FBXW7: variants seen among roughly 807,000 people sequenced by gnomAD.
FBXW7 encodes the protein F-box/WD repeat-containing protein 7.
Under a neutral mutation model 86.3 loss-of-function variants are expected in FBXW7, and 11 were observed. That is an observed-to-expected ratio of 0.13 (90% CI 0.08 to 0.21). FBXW7 has a LOEUF of 0.21. Among genes scored for constraint, FBXW7 ranks in the 10% least tolerant of loss-of-function variants. The pLI, the probability that FBXW7 is intolerant of heterozygous loss-of-function variation, is 1.00. For missense variants in FBXW7, 488 were observed against 847.4 expected, an observed-to-expected ratio of 0.58 and a Z score of 5.27; for synonymous variants, 313 against 297.9, an observed-to-expected ratio of 1.05 and a Z score of -0.52.
At chr4:152,352,851 G>A (rs1168554373) in intron 4 of FBXW7, 5 of 1,499,022 alleles carry the variant, frequency 3.3e-6, no homozygotes, top group East Asian at 2.3e-5. Context: ...CTCAGCAGCA[G>A]AGGGATCAGA....
At chr4:152,503,251 T>C (rs971307419) in intron 2 of FBXW7, among the ~76,000 whole-genome samples, 8 of 152,124 alleles carry the variant, frequency 5.3e-5, no homozygotes, top group African/African-American at 1.7e-4. Flanking sequence ...AGATGAGCCA[T>C]GTGATATAAG....
intron 7 of FBXW7, 80 bp downstream of exon 7, chr4:152,337,722 A>G: frequency 1.4e-6 from 2 of 1,403,154 alleles, no homozygotes; most frequent in South Asian, 1.4e-5. Flanking sequence ...CATAATTAGC[A>G]TGACAATGTT....
intron 2 of FBXW7, among the ~76,000 whole-genome samples, chr4:152,426,849 C>A (rs901424796): frequency 7.9e-5 from 12 of 152,188 alleles, no homozygotes; most frequent in African/African-American, 2.9e-4. Context: ...AAAAACCGCA[C>A]AGAATAGAGA....
At chr4:152,465,754 G>C (rs2149640460) in intron 2 of FBXW7, among the ~76,000 whole-genome samples, 1 of 150,324 alleles carries the variant, frequency 6.7e-6, no homozygotes, top group Non-Finnish European at 1.5e-5. Context: ...TGACACAGGA[G>C]AATCGCTTGA....
Position 152,458,977 on chromosome 4 carries a change from T to C in FBXW7, c.-119-46448A>G, listed in dbSNP as rs568283902. Among the ~76,000 whole-genome samples, 49 of 152,288 alleles carry C rather than the reference T, an allele frequency of 3.2e-4. No homozygotes were observed. The South Asian group carries it at 9.3e-3, about 29-fold the overall frequency. On this transcript the variant is annotated intron_variant, in intron 2 of 13. Coordinates refer to ENST00000281708, the MANE Select transcript of FBXW7 (RefSeq NM_001349798.2). ...AAAACCAATACAGCCCTAACACAGG[T>C]TGACAACCACAACTGTTCCCCAACT...
At chr4:152,341,162 C>A (rs1370126853) in intron 6 of FBXW7, among the ~76,000 whole-genome samples, 2 of 152,208 alleles carry the variant, frequency 1.3e-5, no homozygotes, top group African/African-American at 4.8e-5. Flanking sequence ...GTCAGAAAGT[C>A]TTAAACCTTC....
At chr4:152,461,914 C>T (rs1742986326) in intron 2 of FBXW7, among the ~76,000 whole-genome samples, 2 of 152,170 alleles carry the variant, frequency 1.3e-5, no homozygotes, top group African/African-American at 2.4e-5. Flanking sequence ...TGAATACTGT[C>T]GTTTCCTTTA....
At chr4:152,419,168 C>G (rs1054867684) in intron 2 of FBXW7, among the ~76,000 whole-genome samples, 1 of 151,852 alleles carries the variant, frequency 6.6e-6, no homozygotes, top group Non-Finnish European at 1.5e-5. Context: ...ATTTTCATTT[C>G]GTAAACATCA....
At chr4:152,421,640 C>A (rs1298762389) in intron 2 of FBXW7, among the ~76,000 whole-genome samples, 2 of 152,218 alleles carry the variant, frequency 1.3e-5, no homozygotes, top group Admixed American at 1.3e-4. Flanking sequence ...TCTCTGCTTT[C>A]AACATGCCTT....
At chr4:152,327,464 G>A (rs1212235577) in intron 11 of FBXW7, among the ~76,000 whole-genome samples, 1 of 152,002 alleles carries the variant, frequency 6.6e-6, no homozygotes, top group African/African-American at 2.4e-5. Context: ...TTTAACAGGG[G>A]TATGATGACG....
intron 2 of FBXW7, among the ~76,000 whole-genome samples, chr4:152,498,021 G>A (rs1316515565): frequency 6.6e-6 from 1 of 152,152 alleles, no homozygotes; most frequent in Non-Finnish European, 1.5e-5. Flanking sequence ...AGGACTTTAG[G>A]ATAATGAGTA....
intron 4 of FBXW7, among the ~76,000 whole-genome samples, chr4:152,386,059 T>C (rs370340086): frequency 2.6e-5 from 4 of 151,996 alleles, no homozygotes; most frequent in Admixed American, 6.6e-5. Context: ...ACAAGGTATA[T>C]AAGAACCCCA....
rs1262296287 is a variant in FBXW7, at chr4:152,391,240, T to C, written c.501+20063A>G. Among the ~76,000 whole-genome samples the C allele has an allele frequency of 5.3e-5, 8 of 152,086 alleles. No individual in the cohort carries two copies. The East Asian group carries it at 9.6e-4, about 18-fold the overall frequency. On this transcript the variant is annotated intron_variant, in intron 4 of 13. Transcript: ENST00000281708. ...AGAAAACAAGTATAAGATTAAGCAATAGAAAATACATATTTAGAACTTAAT... is the reference window on the plus strand; with the variant it reads ...AGAAAACAAGTATAAGATTAAGCAACAGAAAATACATATTTAGAACTTAAT...
At chr4:152,463,327 A>T (rs1743127618) in intron 2 of FBXW7, among the ~76,000 whole-genome samples, 2 of 152,096 alleles carry the variant, frequency 1.3e-5, no homozygotes, top group African/African-American at 4.8e-5. Flanking sequence ...AAACTAGGAA[A>T]CATGTCACCA....
At chr4:152,504,898 T>TA (rs754962052) in intron 2 of FBXW7, among the ~76,000 whole-genome samples, 20 of 152,202 alleles carry the variant, frequency 1.3e-4, no homozygotes, top group South Asian at 6.2e-4. Context: ...AACTGCTTTT[T>TA]ACATTAATAA....
At chr4:152,330,424 G>C (rs1729444744) in intron 9 of FBXW7, among the ~76,000 whole-genome samples, 1 of 151,822 alleles carries the variant, frequency 6.6e-6, no homozygotes, top group Non-Finnish European at 1.5e-5. Context: ...GATCAGAGGA[G>C]GCAGCAAATT....
intron 4 of FBXW7, among the ~76,000 whole-genome samples, chr4:152,351,569 G>T (rs919675848): frequency 2.6e-5 from 4 of 151,922 alleles, no homozygotes; most frequent in African/African-American, 9.7e-5. Flanking sequence ...AGGTAGCCAC[G>T]TGTTTCCGTG....
At chr4:152,430,980 A>C (rs1484140976) in intron 2 of FBXW7, among the ~76,000 whole-genome samples, 2 of 152,204 alleles carry the variant, frequency 1.3e-5, no homozygotes, top group African/African-American at 4.8e-5. Flanking sequence ...CACTGTGTGC[A>C]GTACAATCAA....
At chr4:152,366,403 CA>C (rs1560810910) in intron 4 of FBXW7, among the ~76,000 whole-genome samples, 1 of 152,096 alleles carries the variant, frequency 6.6e-6, no homozygotes, top group African/African-American at 2.4e-5. Context: ...TAAAGTACAC[CA>C]CTTCTCACAG....
Sources: gnomAD v4.1 joint callset for allele counts (sites outside exome capture counted in the v4.1 genomes callset) on GRCh38, gnomAD v4.1.1 for gene constraint, MANE v1.5 for transcripts, NCBI Gene and HGNC (gene_info 2026-07-23, HGNC 2026-07-21) for gene names.